The following PRKAR1A variants were observed in gnomAD, a reference collection of about 807,000 sequenced individuals.
The protein encoded by PRKAR1A is cAMP-dependent protein kinase type I-alpha regulatory subunit.
Under a neutral mutation model 52.0 loss-of-function variants are expected in PRKAR1A, and 3 were observed. That is an observed-to-expected ratio of 0.06 (90% CI 0.03 to 0.15). The LOEUF (loss-of-function observed/expected upper bound fraction) is 0.15. Among genes scored for constraint, PRKAR1A ranks in the 10% least tolerant of loss-of-function variants. The pLI, the probability that PRKAR1A is intolerant of heterozygous loss-of-function variation, is 1.00. For synonymous variants in PRKAR1A, 188 were observed against 168.4 expected (o/e 1.12, Z -0.90); for missense variants, 240 against 477.4 (o/e 0.50, Z 4.63).
the PRKAR1A span, chr17:68,421,627 C>T: frequency 2.6e-6 from 3 of 1,136,814 alleles, no homozygotes; most frequent in Admixed American, 5.6e-5. Context: ...AGGAGTTAAC[C>T]AGGTCCTGTG....
At chr17:68,427,199 G>A in the PRKAR1A span, 2 of 1,614,178 alleles carry the variant, frequency 1.2e-6, no homozygotes, top group Non-Finnish European at 1.7e-6. Flanking sequence ...ACTGAGGTAA[G>A]GAAGGTCTGA....
intron 11 of PRKAR1A, chr17:68,539,815 C>T (rs2086209648): frequency 1.3e-6 from 2 of 1,497,602 alleles, no homozygotes; most frequent in East Asian, 2.3e-5. Flanking sequence ...TCTGTTTCCC[C>T]CGAGCAGCTG....
At chr17:68,513,014 G>A (rs117103685) in intron 1 of PRKAR1A, 3,744 of 152,400 alleles carry the variant, frequency 0.025, 67 homozygotes, top group Middle Eastern at 0.081. Flanking sequence ...ACTCGTCATT[G>A]CTAGCAGTAG....
the PRKAR1A span, among the ~76,000 whole-genome samples, chr17:68,489,818 A>G: frequency 1.3e-5 from 2 of 152,066 alleles, no homozygotes; most frequent in African/African-American, 4.8e-5. Context: ...GGCCTCCCAA[A>G]ATTCTGGGAT....
chr17:68,458,200 C>T, the PRKAR1A span, among the ~76,000 whole-genome samples: 1 of 152,110 alleles, frequency 6.6e-6, no homozygotes, highest in Non-Finnish European at 1.5e-5. Context: ...TTGCCAAGCG[C>T]GCCGTACTAT....
chr17:68,457,522 CCCCTACCCCGCCCCGTCCCCACCCCG>C, the PRKAR1A span: 2 of 614,312 alleles, frequency 3.3e-6, no homozygotes, highest in Non-Finnish European at 4.0e-6. Flanking sequence ...TCCTGCCCCG[CCCCTACCCCGCCCCGTCCCCACCCCG>C]CCCCTACCCC....
chr17:68,543,759 T>A, intron 11 of PRKAR1A: 1 of 1,562,850 alleles, frequency 6.4e-7, no homozygotes, highest in Non-Finnish European at 8.8e-7. Context: ...GGACTCAGAC[T>A]TCAGCTGGGA....
rs2086328630 is a variant in PRKAR1A, at chr17:68,542,178, G to A, written c.974-8906G>A. ...CACACGTTGCTCGCTGGAGGATGGG[G>A]AGGAGAGAGGAGGAGTAAGTGGAGG... On this transcript the variant is annotated intron_variant, in intron 11 of 11. Transcript: ENST00000585981. 1.9e-6 allele frequency: 3 copies of A among 1,613,500 alleles called. No homozygotes were observed. The highest frequency in any genetic ancestry group is 1.3e-5 in the African/African-American group (1 of 74,922).
At chr17:68,422,692 A>G in the PRKAR1A span, 1 of 143,900 alleles carries the variant, frequency 6.9e-6, no homozygotes, top group African/African-American at 2.6e-5. Flanking sequence ...TCACGCCAAC[A>G]CATTCTAGCC....
chr17:68,489,259 A>ATATATATG, the PRKAR1A span, among the ~76,000 whole-genome samples: 26 of 27,094 alleles, frequency 9.6e-4, 1 homozygote, highest in African/African-American at 4.7e-3. Flanking sequence ...ATATATATAT[A>ATATATATG]TGGAAAGTAT....
chr17:68,505,852 A>G, the PRKAR1A span, among the ~76,000 whole-genome samples: 1 of 152,250 alleles, frequency 6.6e-6, no homozygotes, highest in African/African-American at 2.4e-5. Context: ...TGGCTCTTCA[A>G]GTATAACAAA....
At chr17:68,473,043 G>A in the PRKAR1A span, among the ~76,000 whole-genome samples, 38 of 152,102 alleles carry the variant, frequency 2.5e-4, no homozygotes, top group African/African-American at 8.4e-4. Flanking sequence ...CTAGGTCATC[G>A]ACATACTTTC....
the PRKAR1A span, among the ~76,000 whole-genome samples, chr17:68,450,418 G>A: frequency 6.6e-6 from 1 of 152,196 alleles, no homozygotes; most frequent in African/African-American, 2.4e-5. Flanking sequence ...GGTGGCTCAT[G>A]GGACTGTCCA....
Position 68,540,675 on chromosome 17 carries a change from A to T in PRKAR1A, c.974-10409A>T, listed in dbSNP as rs2086245962. ...GAGCTTCTTCCAGTTCTTTGAAGAG[A>T]GGGGAGCCTGTTACCTTCTGTCCTC... On this transcript the variant is annotated intron_variant, in intron 11 of 11. Transcript: ENST00000585981. 1.0e-5 allele frequency: 8 copies of T among 799,070 alleles called. No homozygotes were observed. In the South Asian group the frequency reaches 1.2e-4, roughly 12 times the overall value. The allele number at this position is 799,070 out of a possible 1,614,324, so 49.5% of individuals were successfully genotyped here. A position where few individuals can be genotyped will look rare whatever the true frequency, so the allele number is the denominator to read the frequency against.
At chr17:68,543,773 T>C (rs772905042) in intron 11 of PRKAR1A, 1 of 1,491,568 alleles carries the variant, frequency 6.7e-7, no homozygotes, top group Admixed American at 1.7e-5. Flanking sequence ...GCTGGGAGCC[T>C]GAGAAGAGAG....
chr17:68,424,704 C>A, the PRKAR1A span, among the ~76,000 whole-genome samples: 1,294 of 152,206 alleles, frequency 8.5e-3, 22 homozygotes, highest in African/African-American at 0.03. Flanking sequence ...GGTGAAACCC[C>A]GTCTCTACTA....
the PRKAR1A span, chr17:68,434,564 C>T: frequency 6.2e-7 from 1 of 1,613,928 alleles, no homozygotes; most frequent in Non-Finnish European, 8.5e-7. Flanking sequence ...ACCTTTTCAT[C>T]CCTCTCCGGA....
At chr17:68,434,677 G>A in the PRKAR1A span, 1 of 1,588,696 alleles carries the variant, frequency 6.3e-7, no homozygotes, top group Non-Finnish European at 8.6e-7. Flanking sequence ...GCTTTACACA[G>A]AGATGTCCCT....
downstream of PRKAR1A, chr17:68,536,020 C>T (rs1345398271): frequency 4.4e-6 from 2 of 453,988 alleles, no homozygotes; most frequent in Admixed American, 2.4e-5. Context: ...TGTGTTGCTT[C>T]TGTAGCGTTG....
Sources: allele counts gnomAD v4.1 joint callset (sites outside exome capture counted in the v4.1 genomes callset), GRCh38; gene constraint gnomAD v4.1.1; transcripts MANE v1.5; gene names NCBI Gene and HGNC (gene_info 2026-07-23, HGNC 2026-07-21).